Variants in METTL24 observed in about 807,000 individuals in gnomAD.
The protein encoded by METTL24 is probable methyltransferase-like protein 24.
In METTL24, 29 loss-of-function variants were observed where a neutral mutation model predicts 32.7. The observed-to-expected ratio is 0.89, with a 90% CI of 0.66 to 1.21. The LOEUF is 1.21. METTL24 is among the 50% of genes most tolerant of loss of function. The pLI, the probability that METTL24 is intolerant of heterozygous loss-of-function variation, is 0.00. For missense variants in METTL24, 439 were observed against 468.1 expected (o/e 0.94, Z 0.57); for synonymous variants, 163 against 179.5 (o/e 0.91, Z 0.73).
chr6:110,268,069 C>G (rs1220509328), intron 4 of METTL24, among the ~76,000 whole-genome samples: 1 of 152,130 alleles, frequency 6.6e-6, no homozygotes, highest in Non-Finnish European at 1.5e-5. Context: ...GACAAACATC[C>G]AAATCATGTA....
At chr6:110,307,185 A>G (rs1478634924) in intron 3 of METTL24, among the ~76,000 whole-genome samples, 2 of 152,206 alleles carry the variant, frequency 1.3e-5, no homozygotes, top group Non-Finnish European at 2.9e-5. Context: ...TTTATAGAGC[A>G]TTTTACATGT....
In METTL24 at chr6:110,246,149, G is replaced by A. The variant is rs1409534317; in HGVS notation, c.898C>T (p.His300Tyr). 2.5e-6 allele frequency: 4 copies of A among 1,614,188 alleles called. No homozygotes were observed. Among genetic ancestry groups the A allele is most frequent in the Non-Finnish European group, 3.4e-6 (4 of 1,180,028 alleles). ...IGQLIFEIHLHWPGFEVSGSD... is the reference protein window; with the variant it reads ...IGQLIFEIHLYWPGFEVSGSD... ...CCACTGACCTCAAACCCAGGCCAGT[G>A]GAGATGGATCTCAAAGATGAGCTGT... Residue 300 changes from histidine to tyrosine, a missense_variant, in exon 5 of 5, where the codon CAC becomes TAC. Transcript: ENST00000338882.
At chr6:110,247,021 G>A (rs956887749) in intron 4 of METTL24, among the ~76,000 whole-genome samples, 10 of 150,782 alleles carry the variant, frequency 6.6e-5, no homozygotes, top group Non-Finnish European at 1.3e-4. Flanking sequence ...AAGTGAGACA[G>A]AATAAAGGAA....
intron 1 of METTL24, among the ~76,000 whole-genome samples, chr6:110,324,096 G>C (rs933022267): frequency 6.6e-6 from 1 of 152,188 alleles, no homozygotes; most frequent in Non-Finnish European, 1.5e-5. Context: ...CAGGAAAGTA[G>C]TGGGGAACAA....
At chr6:110,318,651 C>CAAAAAAAAAAAA (rs56890760) in intron 2 of METTL24, among the ~76,000 whole-genome samples, 1 of 90,550 alleles carries the variant, frequency 1.1e-5, no homozygotes, top group Non-Finnish European at 2.4e-5. Context: ...GACTCTACCT[C>CAAAAAAAAAAAA]AAAAAAAAAA....
chr6:110,302,488 C>A (rs1184367358), intron 3 of METTL24, among the ~76,000 whole-genome samples: 1 of 103,596 alleles, frequency 9.7e-6, no homozygotes, highest in East Asian at 2.5e-4. Context: ...CATATACACA[C>A]ATATGTGTAT....
intron 3 of METTL24, among the ~76,000 whole-genome samples, chr6:110,309,695 G>A (rs1045558349): frequency 5.9e-5 from 9 of 152,112 alleles, no homozygotes; most frequent in Admixed American, 1.3e-4. Flanking sequence ...TCACTGTCAC[G>A]AGAACAGCAT....
chr6:110,278,207 G>T (rs1357749353), intron 4 of METTL24, among the ~76,000 whole-genome samples: 1 of 152,120 alleles, frequency 6.6e-6, no homozygotes, highest in African/African-American at 2.4e-5. Flanking sequence ...TGTGTGAATT[G>T]TGAAAAGGGC....
chr6:110,268,641 C>T (rs1009109237), intron 4 of METTL24, among the ~76,000 whole-genome samples: 12 of 152,156 alleles, frequency 7.9e-5, no homozygotes, highest in Non-Finnish European at 1.5e-4. Flanking sequence ...CCTCCTCTCC[C>T]ACCTCCTTGT....
intron 4 of METTL24, among the ~76,000 whole-genome samples, chr6:110,276,642 C>T (rs1007884164): frequency 2.0e-5 from 3 of 152,108 alleles, no homozygotes; most frequent in Non-Finnish European, 4.4e-5. Flanking sequence ...CCACAAGATA[C>T]CACCAGCTCC....
chr6:110,315,395 C>A lies in METTL24; in HGVS notation c.504G>T (p.Arg168Ser). The A allele has an allele frequency of 6.2e-7, 1 of 1,614,146 alleles. No individual in the cohort carries two copies. The highest frequency in any genetic ancestry group is 8.5e-7 in the Non-Finnish European group (1 of 1,180,020). ...TGCGGATTTGATGAGCTAAATTGAA[C>A]CTGTCGTCAAGACACACTGACCAGG... Reference protein sequence around the residue: ...HKPWSVCLDDRFNLAHQIRNK... With the variant: ...HKPWSVCLDDSFNLAHQIRNK... The change falls in exon 3 of 5, where the codon AGG becomes AGT. Residue 168 changes from arginine (R) to serine (S), a missense_variant. Transcript: ENST00000338882.
chr6:110,316,147 G>C (rs1771815504), intron 2 of METTL24, among the ~76,000 whole-genome samples: 1 of 152,148 alleles, frequency 6.6e-6, no homozygotes, highest in South Asian at 2.1e-4. Flanking sequence ...GCTTCCTCCT[G>C]GGGGAGAAGG....
intron 3 of METTL24, among the ~76,000 whole-genome samples, chr6:110,311,894 TTTTG>T (rs1239267427): frequency 6.6e-6 from 1 of 152,190 alleles, no homozygotes; most frequent in Non-Finnish European, 1.5e-5. Context: ...GGAATTATTT[TTTTG>T]TTTGTTTTGC....
chr6:110,303,332 A>G (rs2114736609), intron 3 of METTL24, among the ~76,000 whole-genome samples: 1 of 152,082 alleles, frequency 6.6e-6, no homozygotes, highest in Admixed American at 6.5e-5. Context: ...ACTCCCCTGG[A>G]AAAGGGGCTG....
chr6:110,289,142 A>G (rs1771275942), intron 4 of METTL24, among the ~76,000 whole-genome samples: 1 of 152,200 alleles, frequency 6.6e-6, no homozygotes, highest in African/African-American at 2.4e-5. Flanking sequence ...GGGCAAGCCA[A>G]AAAGAAAGAG....
At chr6:110,357,815 G>C in intron 1 of METTL24, 140 bp downstream of exon 1, 1 of 289,416 alleles carries the variant, frequency 3.5e-6, no homozygotes, top group Non-Finnish European at 5.8e-6. Context: ...CCGCCTAAGA[G>C]AGCACAGGGG....
At chr6:110,260,274 C>G (rs1475451458) in intron 4 of METTL24, among the ~76,000 whole-genome samples, 1 of 152,076 alleles carries the variant, frequency 6.6e-6, no homozygotes, top group East Asian at 1.9e-4. Context: ...CCTTAAAGGA[C>G]CTGATGGAGC....
chr6:110,288,706 A>ATATCTC (rs1771267406), intron 4 of METTL24, among the ~76,000 whole-genome samples: 1 of 152,152 alleles, frequency 6.6e-6, no homozygotes, highest in African/African-American at 2.4e-5. Context: ...ACCAAGATGA[A>ATATCTC]CATCTCCATG....
chr6:110,323,967 G>T (rs191956853), intron 1 of METTL24, among the ~76,000 whole-genome samples: 1 of 152,250 alleles, frequency 6.6e-6, no homozygotes, highest in East Asian at 1.9e-4. Flanking sequence ...ACTGTGGTGG[G>T]AACTCTCAGC....
Sources: allele counts gnomAD v4.1 joint callset (sites outside exome capture counted in the v4.1 genomes callset), GRCh38; gene constraint gnomAD v4.1.1; transcripts MANE v1.5; gene names NCBI Gene and HGNC (gene_info 2026-07-23, HGNC 2026-07-21).